Variants in DVL1 observed in about 807,000 individuals in gnomAD.
DVL1 encodes segment polarity protein dishevelled homolog DVL-1.
DVL1 carries 49 observed loss-of-function variants against 65.0 expected under a neutral mutation model. That is an observed-to-expected ratio of 0.75 (90% confidence interval 0.60 to 0.96). DVL1 has a LOEUF of 0.96. Among genes scored for constraint, DVL1 ranks in the 40% least tolerant of loss-of-function variants. DVL1 has a pLI of 0.00. For missense variants in DVL1, 1,197 were observed against 1,045.4 expected (o/e 1.15, Z -2.00); for synonymous variants, 608 against 433.9 (o/e 1.40, Z -4.99).
At position 1,348,933 on chromosome 1, in the gene DVL1, A is replaced by G. The variant is rs775845727; in HGVS notation, c.133T>C (p.Tyr45His). ...TCCATGGACTTAAAGAAGAATTTGT[A>G]GGCGTGCACGGGCCGGTTGCTGAGC... The part of the protein sequence containing the change: ...NVLSNRPVHA[Y>H]KFFFKSMDQD... The change falls in exon 1 of 15, where the codon TAC (tyrosine) becomes CAC (histidine). Residue 45 changes from tyrosine (Y) to histidine (H), a missense_variant. Physicochemically the swap from Tyr to His is moderately conservative, Grantham distance 83 (BLOSUM62 2). Coordinates refer to ENST00000378888, the MANE Select transcript of DVL1 (RefSeq NM_001330311.2). 1.3e-6 allele frequency: 2 copies of G among 1,571,288 alleles called. No homozygotes were observed. Among genetic ancestry groups the G allele is most frequent in the Non-Finnish European group, 1.7e-6 (2 of 1,155,214 alleles).
chr1:1,348,223 A>T (rs907017764), intron 1 of DVL1, among the ~76,000 whole-genome samples: 6 of 152,114 alleles, frequency 3.9e-5, no homozygotes, highest in Non-Finnish European at 7.4e-5. Flanking sequence ...CGCCTGGGAC[A>T]CCACCACCGA....
intron 3 of DVL1, 64 bp downstream of exon 3, chr1:1,342,297 CCT>C (rs528620234): frequency 3.1e-5 from 47 of 1,508,132 alleles, no homozygotes; most frequent in South Asian, 1.9e-4. Flanking sequence ...GCCTCCCTCC[CCT>C]GTTGGCCAGC....
chr1:1,343,273 G>A (rs1208209486), intron 1 of DVL1, among the ~76,000 whole-genome samples: 1 of 142,322 alleles, frequency 7.0e-6, no homozygotes, highest in Non-Finnish European at 1.6e-5. Context: ...CCCCCCCAGG[G>A]CTTCCCCCAC....
intron 5 of DVL1, 158 bp from the exon 6 acceptor site, chr1:1,340,661 A>G: frequency 3.7e-6 from 1 of 272,846 alleles, no homozygotes; most frequent in Non-Finnish European, 5.6e-6. Context: ...TGCACACGTG[A>G]TATGCATATG....
chr1:1,337,974 C>T lies in DVL1; in HGVS notation c.1714+3G>A, dbSNP rs61766209. 1 of 1,610,576 alleles carries T rather than the reference C, an allele frequency of 6.2e-7. No individual in the cohort carries two copies. The highest frequency in any genetic ancestry group is 1.1e-5 in the South Asian group (1 of 90,908). On this transcript the variant is annotated splice_donor_region_variant and intron_variant, in intron 14 of 14. Transcript: ENST00000378888. ...GAAGGGCAGGTAGGGGCGGCGTTCT[C>T]ACCTTCACTCTGCTGACTCCCGGTG...
At chr1:1,338,709 G>A in intron 11 of DVL1, 56 bp from the exon 12 acceptor site, 1 of 1,576,702 alleles carries the variant, frequency 6.3e-7, no homozygotes, top group Non-Finnish European at 8.6e-7. Context: ...GGGGGACTCA[G>A]GGCCCTGCAC....
rs762553903 is a variant in DVL1 at position 1,338,290 on chromosome 1, C to T, written c.1486G>A (p.Val496Ile). Residue 496 changes from valine to isoleucine, a missense_variant, in exon 13 of 15, where the codon GTC becomes ATC. Physicochemically the swap from Val to Ile is conservative, Grantham distance 29. Coordinates refer to ENST00000378888, the MANE Select transcript of DVL1 (RefSeq NM_001330311.2). ...TCACTGCTGCAGAGATCCCCGAAGACGTAGTAGCACTGCTCGGAGAAGGTG... is the reference window on the plus strand; with the variant it reads ...TCACTGCTGCAGAGATCCCCGAAGATGTAGTAGCACTGCTCGGAGAAGGTG... ...KITFSEQCYYVFGDLCSNLAT... is the reference protein window; with the variant it reads ...KITFSEQCYYIFGDLCSNLAT... The T allele has an allele frequency of 6.9e-6, 11 of 1,596,250 alleles. No individual in the cohort carries two copies. Among genetic ancestry groups the T allele is most frequent in the African/African-American group, 2.7e-5 (2 of 72,954 alleles).
Position 1,339,368 on chromosome 1 carries a change from G to C in DVL1, c.1126C>G (p.Arg376Gly), listed in dbSNP as rs144499639. The change falls in exon 11 of 15, where the codon CGC becomes GGC. Residue 376 changes from arginine (R) to glycine (G), a missense_variant. Arg to Gly is a moderately radical substitution (Grantham distance 125). Coordinates refer to ENST00000378888, the MANE Select transcript of DVL1 (RefSeq NM_001330311.2). ...HTAALTGALP[R>G]YGTSPCSSAV... The stretch of plus-strand genomic sequence containing the variant: ...CTGGAGCAGGGACTCGTACCGTAGC[G>C]GGGCAGGGCTCCTGTCAGTGCCGCC... 3.9e-6 allele frequency: 6 copies of C among 1,548,772 alleles called. No individual in the cohort carries two copies. The Admixed American group carries it at 1.2e-4, about 30-fold the overall frequency.
At chr1:1,340,714 C>CA (rs1643771536) in intron 5 of DVL1, among the ~76,000 whole-genome samples, 1 of 152,158 alleles carries the variant, frequency 6.6e-6, no homozygotes, top group Admixed American at 6.5e-5. Flanking sequence ...TGGGCACAGA[C>CA]ACATGTAGCC....
chr1:1,346,259 G>A (rs1170836886), intron 1 of DVL1, among the ~76,000 whole-genome samples: 1 of 152,170 alleles, frequency 6.6e-6, no homozygotes, highest in Non-Finnish European at 1.5e-5. Context: ...GGGGACCAGG[G>A]CTTTGGGCCC....
intron 13 of DVL1, 40 bp downstream of exon 13, chr1:1,338,229 T>TGGGCCCCCCCCC: frequency 4.6e-6 from 7 of 1,522,348 alleles, no homozygotes; most frequent in Non-Finnish European, 6.3e-6. Flanking sequence ...CCTCCGGCGT[T>TGGGCCCCCCCCC]CCCCTCCCCC....
intron 5 of DVL1, among the ~76,000 whole-genome samples, chr1:1,340,836 CACACGCAA>C (rs1643780183): frequency 7.1e-6 from 1 of 141,372 alleles, no homozygotes; most frequent in African/African-American, 2.9e-5. Context: ...CACACCTGCA[CACACGCAA>C]CCCTGCACAC....
rs1179491713 is a variant in DVL1 at position 1,342,384 on chromosome 1, T to A, written c.341A>T (p.Asp114Val). Reference sequence around the variant, plus strand: ...TTACTGGAAGGAGGGGGGCCGGGAGTCCCCGATGCCGCCTGTCCGCTCAAG... The same window carrying A: ...TTACTGGAAGGAGGGGGGCCGGGAGACCCCGATGCCGCCTGTCCGCTCAAG... ...PPLERTGGIGDSRPPSFHPNV... is the reference protein window; with the variant it reads ...PPLERTGGIGVSRPPSFHPNV... The change falls in exon 3 of 15, where the codon GAC becomes GTC. Residue 114 changes from aspartate (D) to valine (V), a missense_variant. Transcript: ENST00000378888. The A allele has an allele frequency of 6.3e-7, 1 of 1,584,556 alleles. No individual in the cohort carries two copies. Among genetic ancestry groups the A allele is most frequent in the Non-Finnish European group, 8.6e-7 (1 of 1,167,332 alleles).
Position 1,341,725 on chromosome 1 carries a change from T to C in DVL1, c.547A>G (p.Ser183Gly). ...AAGCTGCTGGACTCAAGCTCGCTGC[T>C]GAGGGCGGTGGACGCGCTGTCTGGG... ...LPPDSASTAL[S>G]SELESSSFVD... Residue 183 changes from serine to glycine, a missense_variant, in exon 5 of 15, where the codon AGC becomes GGC. Physicochemically the swap from Ser to Gly is moderately conservative, Grantham distance 56. Transcript: ENST00000378888. The C allele has an allele frequency of 6.2e-7, 1 of 1,611,494 alleles. No homozygotes were observed. The highest frequency in any genetic ancestry group is 8.5e-7 in the Non-Finnish European group (1 of 1,178,998).
chr1:1,338,448 C>G lies in DVL1; in HGVS notation c.1340-12G>C. On this transcript the variant is annotated splice_polypyrimidine_tract_variant and intron_variant, in intron 12 of 14. Coordinates refer to ENST00000378888, the MANE Select transcript of DVL1 (RefSeq NM_001330311.2). ...CACCACGTCCGCCCCTGGCCGGCAC[C>G]AGCGGTCAGCCCGCAGCCTCGAGGC... 3.1e-6 allele frequency: 5 copies of G among 1,608,954 alleles called. No homozygotes were observed. The highest frequency in any genetic ancestry group is 4.2e-6 in the Non-Finnish European group (5 of 1,177,148).
chr1:1,339,870 CCG>C lies in DVL1; in HGVS notation c.910-60_910-59del. ...GGATGTGCAGCTCAGTCCACCGCCC[CCG>C]CAGACCCACCCACAGCCGCATGTCC... On this transcript the variant is annotated intron_variant, in intron 8 of 14. Transcript: ENST00000378888. 3 of 1,592,184 alleles carry C rather than the reference CCG, an allele frequency of 1.9e-6. No individual in the cohort carries two copies. In the South Asian group the frequency reaches 3.3e-5, roughly 18 times the overall value.
At position 1,336,139 on chromosome 1, in the gene DVL1, G is replaced by C; in HGVS notation, c.*3C>G. Reference sequence around the variant, plus strand: ...CAGGCAGGGCTGGGGCATGCGCCACGAGTCACATGATGTCCACGAAGAACT... The same window carrying C: ...CAGGCAGGGCTGGGGCATGCGCCACCAGTCACATGATGTCCACGAAGAACT... On this transcript the variant is annotated 3_prime_UTR_variant, in exon 15 of 15. Transcript: ENST00000378888. The C allele has an allele frequency of 6.4e-7, 1 of 1,574,210 alleles. No individual in the cohort carries two copies. The highest frequency in any genetic ancestry group is 8.6e-7 in the Non-Finnish European group (1 of 1,167,096).
At chr1:1,340,618 A>C in intron 5 of DVL1, 115 bp from the exon 6 acceptor site, 1 of 1,155,744 alleles carries the variant, frequency 8.7e-7, no homozygotes, top group Admixed American at 2.2e-5. Context: ...GTTCCAAAGC[A>C]GGCTCAGTGC....
rs984273520 is a variant in DVL1 at position 1,340,840 on chromosome 1, C to T, written c.606-337G>A. Among the ~76,000 whole-genome samples, 10 of 144,196 alleles carry T rather than the reference C, an allele frequency of 6.9e-5. No homozygotes were observed. The South Asian group carries it at 1.5e-3, about 22-fold the overall frequency. 94.6% of individuals were successfully genotyped at this position (144,196 alleles called of 152,430 possible). A position where few individuals can be genotyped will look rare whatever the true frequency, so the allele number is the denominator to read the frequency against. On this transcript the variant is annotated intron_variant, in intron 5 of 14. Coordinates refer to ENST00000378888, the MANE Select transcript of DVL1 (RefSeq NM_001330311.2). The stretch of plus-strand genomic sequence containing the variant: ...ACACCTGCACACACACCTGCACACA[C>T]GCAACCCTGCACACATGCACCCCTG...
Sources: gnomAD v4.1 joint callset for allele counts (sites outside exome capture counted in the v4.1 genomes callset) on GRCh38, gnomAD v4.1.1 for gene constraint, MANE v1.5 for transcripts, NCBI Gene and HGNC (gene_info 2026-07-23, HGNC 2026-07-21) for gene names.